RHOBTB1: variants seen among roughly 807,000 people sequenced by gnomAD.
RHOBTB1 encodes Rho related BTB domain containing 1.
RHOBTB1 carries 40 observed loss-of-function variants against 71.6 expected under a neutral mutation model. The observed-to-expected ratio is 0.56, with a 90% CI of 0.43 to 0.73. RHOBTB1 has a LOEUF of 0.73. Among genes scored for constraint, RHOBTB1 ranks in the 30% least tolerant of loss-of-function variants. The probability of loss-of-function intolerance (pLI) is 0.00; values close to 1 mark genes in which losing one functional copy is unlikely to be tolerated. For synonymous variants in RHOBTB1, 319 were observed against 334.9 expected, an observed-to-expected ratio of 0.95 and a Z score of 0.52; for missense variants, 797 against 894.0, an observed-to-expected ratio of 0.89 and a Z score of 1.38.
chr10:60,887,607 A>T lies in RHOBTB1; in HGVS notation c.1456+605T>A, dbSNP rs570554041. On this transcript the variant is annotated intron_variant, in intron 6 of 10. Coordinates refer to ENST00000337910, the MANE Select transcript of RHOBTB1 (RefSeq NM_014836.5). The stretch of plus-strand genomic sequence containing the variant: ...GGCAAAGGAGGTGCAGGAAAACTAC[A>T]GAAGTGCAGGGCCAAGGAGCATGAG... Among the ~76,000 whole-genome samples, 3 of 152,354 alleles carry T rather than the reference A, an allele frequency of 2.0e-5. No homozygotes were observed. The East Asian group carries it at 5.8e-4, about 29-fold the overall frequency.
rs929492018 is a variant in RHOBTB1 at position 60,889,294 on chromosome 10, G to A, written c.483-109C>T. ...AACTATACACTGAAAACTCCAGTCA[G>A]GCTTTTAGTCTCTGGAAAAATCTGC... is the stretch of plus-strand genomic sequence containing the variant. On this transcript the variant is annotated intron_variant, in intron 5 of 10. Transcript: ENST00000337910. 10 of 1,143,382 alleles carry A rather than the reference G, an allele frequency of 8.7e-6. No homozygotes were observed. The African/African-American group carries it at 1.6e-4, about 18-fold the overall frequency. The allele number at this position is 1,143,382 out of a possible 1,614,324, so 70.8% of individuals were successfully genotyped here. A position where few individuals can be genotyped will look rare whatever the true frequency, so the allele number is the denominator to read the frequency against.
At chr10:60,947,553 A>G (rs2134349510), upstream of RHOBTB1, among the ~76,000 whole-genome samples, 1 of 152,268 alleles carries the variant, frequency 6.6e-6, no homozygotes, top group African/African-American at 2.4e-5. Context: ...TATTAATCGG[A>G]ACATAAGTAT....
In RHOBTB1 at chr10:60,871,455, TG is replaced by T. The variant is rs747755453; in HGVS notation, c.*26del. On this transcript the variant is annotated 3_prime_UTR_variant, in exon 11 of 11. Coordinates refer to ENST00000337910, the MANE Select transcript of RHOBTB1 (RefSeq NM_014836.5). ...GTGGATCAGATTACCGATTGGTTTC[TG>T]TTTTTTGTTTTTTTTCTCTTCCTCT... 6 of 1,607,750 alleles carry T rather than the reference TG, an allele frequency of 3.7e-6. No homozygotes were observed. In the Admixed American group the frequency reaches 1.0e-4, roughly 27 times the overall value.
At chr10:60,871,730 T>C in intron 10 of RHOBTB1, 79 bp from the exon 11 acceptor site, 1 of 1,345,198 alleles carries the variant, frequency 7.4e-7, no homozygotes, top group East Asian at 2.5e-5. Context: ...GCTTAAAGCT[T>C]CTCAAATATC....
chr10:60,910,162 C>T (rs140756139), intron 4 of RHOBTB1, among the ~76,000 whole-genome samples: 3,287 of 152,164 alleles, frequency 0.022, 102 homozygotes, highest in Admixed American at 0.054. Context: ...AAAAAGTCTC[C>T]ATTAATACAG....
intron 6 of RHOBTB1, among the ~76,000 whole-genome samples, chr10:60,887,529 T>G (rs922161005): frequency 7.9e-5 from 12 of 152,214 alleles, no homozygotes; most frequent in Non-Finnish European, 1.8e-4. Flanking sequence ...GCCACCAGCA[T>G]GCTTAACAAT....
chr10:60,948,956 C>A (rs556095835), upstream of RHOBTB1, among the ~76,000 whole-genome samples: 6 of 152,264 alleles, frequency 3.9e-5, no homozygotes, highest in African/African-American at 1.4e-4. Context: ...GTGGCAGCTT[C>A]CTTGAACAAA....
intron 2 of RHOBTB1, among the ~76,000 whole-genome samples, chr10:60,965,738 T>C (rs532418418): frequency 1.2e-3 from 188 of 152,242 alleles, no homozygotes; most frequent in African/African-American, 4.5e-3. Flanking sequence ...TATCCGTAGT[T>C]GGGGAATAAA....
chr10:60,990,068 C>T (rs533117888), intron 1 of RHOBTB1, among the ~76,000 whole-genome samples: 34 of 151,000 alleles, frequency 2.3e-4, no homozygotes, highest in African/African-American at 6.6e-4. Context: ...CTGCAAGCTC[C>T]GCCTCCTGAG....
chr10:60,882,387 C>T (rs145212114), intron 7 of RHOBTB1, among the ~76,000 whole-genome samples: 1 of 152,198 alleles, frequency 6.6e-6, no homozygotes, highest in East Asian at 1.9e-4. Context: ...TACTACAACC[C>T]AGGCATGCAT....
Position 60,888,902 on chromosome 10 carries a change from C to T in RHOBTB1, c.766G>A (p.Ala256Thr). 6 of 1,614,190 alleles carry T rather than the reference C, an allele frequency of 3.7e-6. No individual in the cohort carries two copies. The highest frequency in any genetic ancestry group is 4.2e-6 in the Non-Finnish European group (5 of 1,180,018). Residue 256 changes from alanine to threonine, a missense_variant, in exon 6 of 11, where the codon GCT becomes ACT. Around this residue, in one of 2 missense-constraint regions of RHOBTB1, gnomAD observed 658 missense variants for 681.5 expected, o/e 0.97. Transcript: ENST00000337910. ...AGAGGATTGTCCAGTAAACAGGCAG[C>T]TTCATTTGTCCCCATGGAAGGACAC... ...PECPSMGTNE[A>T]ACLLDNPLCA...
intron 7 of RHOBTB1, among the ~76,000 whole-genome samples, chr10:60,884,485 G>T (rs553600662): frequency 6.6e-6 from 1 of 152,200 alleles, no homozygotes; most frequent in Admixed American, 6.5e-5. Context: ...TGCTTGAATT[G>T]AATTTTTTTC....
downstream of RHOBTB1, among the ~76,000 whole-genome samples, chr10:60,868,056 CCTT>C (rs1032017575): frequency 1.1e-4 from 16 of 152,152 alleles, no homozygotes; most frequent in African/African-American, 3.9e-4. Context: ...TCCCTCCCTT[CCTT>C]CTTTTTTTCT....
At chr10:60,993,002 G>A (rs1396337299) in intron 1 of RHOBTB1, among the ~76,000 whole-genome samples, 6 of 152,148 alleles carry the variant, frequency 3.9e-5, no homozygotes, top group Admixed American at 3.9e-4. Flanking sequence ...GGAATAACTT[G>A]CTTTAGTCAA....
chr10:60,875,644 A>G (rs1317109402), intron 8 of RHOBTB1, among the ~76,000 whole-genome samples: 1 of 152,228 alleles, frequency 6.6e-6, no homozygotes, highest in Non-Finnish European at 1.5e-5. Context: ...TATTTGAGGA[A>G]TTAAAAATGT....
chr10:60,902,630 G>C (rs1390078937), intron 4 of RHOBTB1, among the ~76,000 whole-genome samples: 1 of 152,166 alleles, frequency 6.6e-6, no homozygotes, highest in African/African-American at 2.4e-5. Flanking sequence ...GTGTGGCTGA[G>C]TGTAACTCTC....
intron 2 of RHOBTB1, among the ~76,000 whole-genome samples, chr10:60,966,967 C>A (rs534453521): frequency 6.6e-5 from 10 of 151,826 alleles, no homozygotes; most frequent in African/African-American, 2.4e-4. Context: ...CGACAAAGTT[C>A]TTGGGGAGAA....
chr10:60,879,682 C>T (rs990112347), intron 7 of RHOBTB1, among the ~76,000 whole-genome samples: 3 of 152,052 alleles, frequency 2.0e-5, no homozygotes, highest in Admixed American at 6.6e-5. Flanking sequence ...TAATAAACAT[C>T]TATACAACAT....
chr10:60,915,883 C>T (rs2133557260), intron 2 of RHOBTB1, among the ~76,000 whole-genome samples: 1 of 152,290 alleles, frequency 6.6e-6, no homozygotes, highest in East Asian at 1.9e-4. Context: ...ACCATTTCTT[C>T]TCTCCTTCAG....
Sources: gnomAD v4.1 joint callset for allele counts (sites outside exome capture counted in the v4.1 genomes callset) on GRCh38, gnomAD v4.1.1 for gene constraint, gnomAD v4.1.1 regional missense constraint, MANE v1.5 for transcripts, NCBI Gene and HGNC (gene_info 2026-07-23, HGNC 2026-07-21) for gene names.